Variants in ZC3H12C observed in about 807,000 individuals in gnomAD.
The protein encoded by ZC3H12C is probable ribonuclease ZC3H12C.
A neutral mutation model predicts 76.3 loss-of-function variants in ZC3H12C; 20 were observed. The observed-to-expected ratio is 0.26, with a 90% CI of 0.18 to 0.38. The LOEUF is 0.38. ZC3H12C is among the 10% of genes least tolerant of loss of function. The pLI, the probability that ZC3H12C is intolerant of heterozygous loss-of-function variation, is 1.00. For synonymous variants in ZC3H12C, 352 were observed against 399.6 expected, an observed-to-expected ratio of 0.88 and a Z score of 1.42; for missense variants, 874 against 1,086.5, an observed-to-expected ratio of 0.80 and a Z score of 2.75.
intron 3 of ZC3H12C, among the ~76,000 whole-genome samples, chr11:110,154,369 C>CAAAAA (rs11410915): frequency 7.1e-6 from 1 of 141,160 alleles, no homozygotes. Context: ...GACCCCATCT[C>CAAAAA]AAAAAAAAAA....
chr11:110,122,770 G>A (rs1296636473), intron 1 of ZC3H12C, among the ~76,000 whole-genome samples: 2 of 152,184 alleles, frequency 1.3e-5, no homozygotes, highest in Non-Finnish European at 2.9e-5. Context: ...ATTTAAGGTA[G>A]GCCAGGATAA....
At chr11:110,104,171 G>T (rs1482510891) in intron 1 of ZC3H12C, among the ~76,000 whole-genome samples, 1 of 151,800 alleles carries the variant, frequency 6.6e-6, no homozygotes, top group African/African-American at 2.4e-5. Flanking sequence ...AACCTCTCGG[G>T]TAGCTGGGTT....
At chr11:110,146,086 ATG>A (rs1471339157) in intron 2 of ZC3H12C, among the ~76,000 whole-genome samples, 2 of 152,246 alleles carry the variant, frequency 1.3e-5, no homozygotes, top group Non-Finnish European at 1.5e-5. Flanking sequence ...TCCCGGGTTC[ATG>A]CCATTCTCCT....
intron 1 of ZC3H12C, among the ~76,000 whole-genome samples, chr11:110,115,946 G>A (rs1490496890): frequency 6.6e-6 from 1 of 151,680 alleles, no homozygotes; most frequent in African/African-American, 2.4e-5. Context: ...TTTTAGTAGA[G>A]ACAGGGTTTC....
At position 110,094,214 on chromosome 11, in the gene ZC3H12C, T is replaced by C. The variant is rs117130193; in HGVS notation, c.21+782T>C. Among the ~76,000 whole-genome samples the C allele has an allele frequency of 1.2e-3, 176 of 152,326 alleles. 2 individuals are homozygous for C. Among genetic ancestry groups the C allele is most frequent in the Non-Finnish European group, 2.2e-3 (150 of 68,034 alleles). ...TTTGGTTATCCGTTAACAATCTCGG[T>C]TTGTGTTCGGTGTTTTGTGATAAAG... On this transcript the variant is annotated intron_variant, in intron 1 of 5. Transcript: ENST00000278590.
intron 1 of ZC3H12C, among the ~76,000 whole-genome samples, chr11:110,114,034 T>C (rs1356597633): frequency 3.3e-5 from 5 of 152,164 alleles, no homozygotes; most frequent in African/African-American, 9.7e-5. Context: ...CCTTCAGTAG[T>C]TCCCCACTAC....
intron 1 of ZC3H12C, among the ~76,000 whole-genome samples, chr11:110,114,802 T>A (rs970696008): frequency 6.6e-6 from 1 of 152,222 alleles, no homozygotes; most frequent in African/African-American, 2.4e-5. Context: ...CATTCACAAG[T>A]ATCATTTTTT....
At chr11:110,143,559 A>C (rs922674758) in intron 2 of ZC3H12C, among the ~76,000 whole-genome samples, 4 of 151,988 alleles carry the variant, frequency 2.6e-5, no homozygotes, top group African/African-American at 9.7e-5. Flanking sequence ...AAAATCTACT[A>C]TACTCTTTCT....
chr11:110,094,457 A>G (rs1427741595), intron 1 of ZC3H12C, among the ~76,000 whole-genome samples: 1 of 152,218 alleles, frequency 6.6e-6, no homozygotes, highest in Admixed American at 6.5e-5. Flanking sequence ...TTCCACTTTT[A>G]AAATGCATAT....
At chr11:110,123,097 A>AT (rs1262542040) in intron 1 of ZC3H12C, among the ~76,000 whole-genome samples, 1 of 152,186 alleles carries the variant, frequency 6.6e-6, no homozygotes. Context: ...TGCATTTAAT[A>AT]TTTTCAGACC....
At chr11:110,142,592 A>G (rs1408528255) in intron 2 of ZC3H12C, among the ~76,000 whole-genome samples, 1 of 152,114 alleles carries the variant, frequency 6.6e-6, no homozygotes, top group Non-Finnish European at 1.5e-5. Context: ...TGGCCCTTTC[A>G]ATTCTCAAAG....
chr11:110,111,594 C>T (rs1373652889), intron 1 of ZC3H12C, among the ~76,000 whole-genome samples: 2 of 149,622 alleles, frequency 1.3e-5, no homozygotes, highest in Admixed American at 1.3e-4. Flanking sequence ...TGCAGTGGCA[C>T]GATCACGGCT....
At chr11:110,133,106 T>G (rs769527513) in intron 1 of ZC3H12C, among the ~76,000 whole-genome samples, 109 of 152,294 alleles carry the variant, frequency 7.2e-4, no homozygotes, top group Middle Eastern at 6.8e-3. Context: ...ATGTAGCTTT[T>G]CATTGAATGA....
At chr11:110,134,204 A>G (rs995137683) in intron 1 of ZC3H12C, among the ~76,000 whole-genome samples, 1 of 152,072 alleles carries the variant, frequency 6.6e-6, no homozygotes, top group African/African-American at 2.4e-5. Context: ...GGGTTTATAG[A>G]ACAATGATGT....
At chr11:110,127,411 G>GC (rs1861768599) in intron 1 of ZC3H12C, among the ~76,000 whole-genome samples, 1 of 152,072 alleles carries the variant, frequency 6.6e-6, no homozygotes, top group African/African-American at 2.4e-5. Flanking sequence ...ATGCCTATTT[G>GC]ATTTTTTACT....
At chr11:110,108,736 C>T (rs527526962) in intron 1 of ZC3H12C, among the ~76,000 whole-genome samples, 3 of 152,324 alleles carry the variant, frequency 2.0e-5, no homozygotes, top group Admixed American at 6.5e-5. Flanking sequence ...GTCTTGTGGA[C>T]AGCTCCACTT....
At chr11:110,101,019 C>T (rs1196176661) in intron 1 of ZC3H12C, among the ~76,000 whole-genome samples, 1 of 152,148 alleles carries the variant, frequency 6.6e-6, no homozygotes, top group East Asian at 1.9e-4. Flanking sequence ...CTCCAGTGAA[C>T]ACACAAATGA....
chr11:110,107,251 C>A (rs1208318949), intron 1 of ZC3H12C, among the ~76,000 whole-genome samples: 1 of 152,118 alleles, frequency 6.6e-6, no homozygotes, highest in African/African-American at 2.4e-5. Context: ...TGATTCTATC[C>A]TTGTGTCAGT....
At chr11:110,158,382 C>T (rs894148182) in intron 3 of ZC3H12C, among the ~76,000 whole-genome samples, 1 of 151,950 alleles carries the variant, frequency 6.6e-6, no homozygotes, top group Non-Finnish European at 1.5e-5. Flanking sequence ...TGGTGACAGG[C>T]GCCTGTAATC....
Sources: gnomAD v4.1 joint callset for allele counts (sites outside exome capture counted in the v4.1 genomes callset) on GRCh38, gnomAD v4.1.1 for gene constraint, MANE v1.5 for transcripts, NCBI Gene and HGNC (gene_info 2026-07-23, HGNC 2026-07-21) for gene names.